The following PHF2 variants were observed in gnomAD, a reference collection of about 807,000 sequenced individuals.
PHF2 encodes PHD finger protein 2.
PHF2 carries 27 observed loss-of-function variants against 120.5 expected under a neutral mutation model. That is an observed-to-expected ratio of 0.22 (90% CI 0.17 to 0.31). The LOEUF is 0.31. PHF2 is among the 10% of genes least tolerant of loss of function. The probability of loss-of-function intolerance (pLI) is 1.00; values close to 1 mark genes in which losing one functional copy is unlikely to be tolerated. For synonymous variants in PHF2, 568 were observed against 592.5 expected (o/e 0.96, Z 0.60); for missense variants, 1,024 against 1,434.8 (o/e 0.71, Z 4.63).
In PHF2 at chr9:93,676,949, A is replaced by C. The variant is rs1328656085; in HGVS notation, c.3188A>C (p.Asn1063Thr). ...CCCTCCGCATCGTCTCCAAACAACA[A>C]CACCGCTGCCAAAGGTACTGTGCCT... ...RRPSASSPNN[N>T]TAAKGKRTKK... Residue 1063 changes from asparagine (N) to threonine (T), a missense_variant, in exon 21 of 22, where the codon AAC becomes ACC. Coordinates refer to ENST00000359246, the MANE Select transcript of PHF2 (RefSeq NM_005392.4). 6.4e-7 allele frequency: 1 copy of C among 1,556,432 alleles called. No individual in the cohort carries two copies. The highest frequency in any genetic ancestry group is 1.2e-5 in the South Asian group (1 of 84,122).
chr9:93,621,716 C>A (rs954766497), intron 1 of PHF2, among the ~76,000 whole-genome samples: 4 of 152,136 alleles, frequency 2.6e-5, no homozygotes, highest in African/African-American at 9.7e-5. Context: ...CCTCGGCCTT[C>A]CCCCCTGTAA....
At position 93,667,316 on chromosome 9, in the gene PHF2, G is replaced by A. The variant is rs1826701615; in HGVS notation, c.2348+76G>A. 4.6e-6 allele frequency: 7 copies of A among 1,522,082 alleles called. No individual in the cohort carries two copies. In the South Asian group the frequency reaches 7.2e-5, roughly 16 times the overall value. The allele number at this position is 1,522,082 out of a possible 1,614,324, so 94.3% of individuals were successfully genotyped here. A position where few individuals can be genotyped will look rare whatever the true frequency, so the allele number is the denominator to read the frequency against. On this transcript the variant is annotated intron_variant, in intron 17 of 21. Coordinates refer to ENST00000359246, the MANE Select transcript of PHF2 (RefSeq NM_005392.4). ...GGGCTGGCCCTCGGCCATGATGGTG[G>A]GAGCCTGCGAGGCAGACGCACAGCT...
In PHF2 at chr9:93,583,924, G is replaced by T. The variant is rs561772893; in HGVS notation, c.98+7053G>T. ...GCTCACCACAACCTCTGCCTCCCTGGTTCAAGTGATTCTCCTGTCTCAGCC... is the reference window on the plus strand; with the variant it reads ...GCTCACCACAACCTCTGCCTCCCTGTTTCAAGTGATTCTCCTGTCTCAGCC... On this transcript the variant is annotated intron_variant, in intron 1 of 21. Transcript: ENST00000359246. Among the ~76,000 whole-genome samples, 10 of 150,878 alleles carry T rather than the reference G, an allele frequency of 6.6e-5. 1 individual carries two copies. In the South Asian group the frequency reaches 2.1e-3, roughly 31 times the overall value.
At chr9:93,649,265 G>C in intron 5 of PHF2, 53 bp downstream of exon 5, 1 of 1,487,894 alleles carries the variant, frequency 6.7e-7, no homozygotes, top group Non-Finnish European at 9.1e-7. Flanking sequence ...CAGGGGCGCT[G>C]TGCCGTCCTT....
At chr9:93,583,826 C>CTTTTTTTTTTTTTTTTTTTTT (rs113746371) in intron 1 of PHF2, among the ~76,000 whole-genome samples, 1 of 124,632 alleles carries the variant, frequency 8.0e-6, no homozygotes. Context: ...TTTTTCTTTT[C>CTTTTTTTTTTTTTTTTTTTTT]TTTTTTTTTT....
chr9:93,602,723 G>A (rs555136292), intron 1 of PHF2, among the ~76,000 whole-genome samples: 1 of 152,290 alleles, frequency 6.6e-6, no homozygotes, highest in African/African-American at 2.4e-5. Flanking sequence ...AATGCCAGAA[G>A]CATCTTTTTA....
intron 1 of PHF2, among the ~76,000 whole-genome samples, chr9:93,614,929 GTGA>G (rs1321079386): frequency 6.6e-5 from 10 of 151,502 alleles, no homozygotes; most frequent in African/African-American, 1.5e-4. Context: ...AATGGTGATG[GTGA>G]TGATGGCAAT....
At chr9:93,657,164 G>A (rs1826476185) in intron 9 of PHF2, among the ~76,000 whole-genome samples, 1 of 152,158 alleles carries the variant, frequency 6.6e-6, no homozygotes, top group East Asian at 1.9e-4. Context: ...CCTCCAGACT[G>A]CCCAGCAGCG....
At chr9:93,625,652 A>G (rs1300765611) in intron 1 of PHF2, among the ~76,000 whole-genome samples, 1 of 151,314 alleles carries the variant, frequency 6.6e-6, no homozygotes, top group East Asian at 2.0e-4. Flanking sequence ...TAATTTTTGT[A>G]TTTTTGGTGG....
Position 93,610,510 on chromosome 9 carries a change from C to T in PHF2, c.99-19460C>T, listed in dbSNP as rs188026834. Among the ~76,000 whole-genome samples, 22 of 152,318 alleles carry T rather than the reference C, an allele frequency of 1.4e-4. No homozygotes were observed. In the East Asian group the frequency reaches 4.2e-3, roughly 29 times the overall value. The stretch of plus-strand genomic sequence containing the variant: ...TCACCTATCCTTGCAGGCTTTATTA[C>T]AGACTTTAGCATATTAATAATAAAT... On this transcript the variant is annotated intron_variant, in intron 1 of 21. Coordinates refer to ENST00000359246, the MANE Select transcript of PHF2 (RefSeq NM_005392.4).
intron 1 of PHF2, among the ~76,000 whole-genome samples, chr9:93,580,436 C>T (rs1230445665): frequency 6.6e-6 from 1 of 152,218 alleles, no homozygotes; most frequent in African/African-American, 2.4e-5. Flanking sequence ...GGGCCGTACA[C>T]TGTGTTCCCT....
At chr9:93,647,311 C>T (rs1323845638) in intron 4 of PHF2, among the ~76,000 whole-genome samples, 1 of 152,220 alleles carries the variant, frequency 6.6e-6, no homozygotes, top group East Asian at 1.9e-4. Flanking sequence ...TGCCCTGCCA[C>T]CAAGGCCCTG....
At chr9:93,649,374 CTTTTTTTTTTT>C (rs752368762) in intron 5 of PHF2, among the ~76,000 whole-genome samples, 162 bp downstream of exon 5, 2 of 105,832 alleles carry the variant, frequency 1.9e-5, no homozygotes, top group African/African-American at 3.8e-5. Context: ...AAATTTTTTC[CTTTTTTTTTTT>C]TTTTTTTTTT....
chr9:93,632,298 G>A (rs1391601831), intron 2 of PHF2, among the ~76,000 whole-genome samples: 1 of 151,652 alleles, frequency 6.6e-6, no homozygotes, highest in Non-Finnish European at 1.5e-5. Context: ...CAGATGGTGG[G>A]ACCCCCAGCC....
At chr9:93,658,711 T>G (rs979007934) in intron 10 of PHF2, among the ~76,000 whole-genome samples, 1 of 152,034 alleles carries the variant, frequency 6.6e-6, no homozygotes, top group African/African-American at 2.4e-5. Context: ...CCCTGTCGGC[T>G]CCTCCTGGCT....
chr9:93,673,300 C>G (rs1447117122), intron 17 of PHF2, among the ~76,000 whole-genome samples: 1 of 151,950 alleles, frequency 6.6e-6, no homozygotes, highest in African/African-American at 2.4e-5. Context: ...ACCCTCCTTC[C>G]CATCTGCTGT....
chr9:93,607,647 A>G (rs1825564966), intron 1 of PHF2, among the ~76,000 whole-genome samples: 1 of 151,996 alleles, frequency 6.6e-6, no homozygotes, highest in Admixed American at 6.6e-5. Flanking sequence ...CATCTTGTCA[A>G]TACTTACTCT....
In PHF2 at chr9:93,677,436, G is replaced by T. The variant is rs1296398824; in HGVS notation, c.3203-152G>T. ...ATCCCAGACTCCTGAAGGGTGCTGA[G>T]CTCGGAGCTGGGGCTTCATAGGCCC... is the stretch of plus-strand genomic sequence containing the variant. On this transcript the variant is annotated intron_variant, in intron 21 of 21. Transcript: ENST00000359246. This position sits in a 1 kb window ranked among gnomAD's most constrained non-coding sequence, Gnocchi z 4.4. 5 of 679,278 alleles carry T rather than the reference G, an allele frequency of 7.4e-6. No individual in the cohort carries two copies. The African/African-American group carries it at 9.0e-5, about 12-fold the overall frequency. The allele number at this position is 679,278 out of a possible 1,614,324, so 42.1% of individuals were successfully genotyped here.
intron 3 of PHF2, among the ~76,000 whole-genome samples, chr9:93,642,016 G>A (rs770952315): frequency 6.6e-6 from 1 of 152,160 alleles, no homozygotes; most frequent in Non-Finnish European, 1.5e-5. Context: ...ACTTTTCCTA[G>A]CAACATTTAT....
Sources: gnomAD v4.1 joint callset for allele counts (sites outside exome capture counted in the v4.1 genomes callset) on GRCh38, gnomAD v4.1.1 for gene constraint, Gnocchi (gnomAD v3.1) non-coding constraint, MANE v1.5 for transcripts, NCBI Gene and HGNC (gene_info 2026-07-23, HGNC 2026-07-21) for gene names.